The following EYA2 variants were observed in gnomAD, a reference collection of about 807,000 sequenced individuals.
The protein encoded by EYA2 is protein phosphatase EYA2.
EYA2 carries 31 observed loss-of-function variants against 69.2 expected under a neutral mutation model. That is an observed-to-expected ratio of 0.45 (90% confidence interval 0.34 to 0.60). The LOEUF (loss-of-function observed/expected upper bound fraction) is 0.60, where lower values mean the gene tolerates loss of function less well. Ranked by LOEUF, EYA2 falls within the 20% of genes least tolerant of loss-of-function variation. The pLI is 0.02. For missense variants in EYA2, 622 were observed against 701.2 expected (o/e 0.89, Z 1.28); for synonymous variants, 257 against 279.4 (o/e 0.92, Z 0.80).
intron 1 of EYA2, among the ~76,000 whole-genome samples, chr20:46,928,728 G>A (rs543898183): frequency 2.6e-5 from 4 of 152,330 alleles, no homozygotes; most frequent in African/African-American, 7.2e-5. Context: ...TTGGATTGTC[G>A]ATGTAACATT....
intron 7 of EYA2, among the ~76,000 whole-genome samples, chr20:47,076,854 C>T (rs1401281213): frequency 3.9e-5 from 6 of 152,186 alleles, no homozygotes; most frequent in Non-Finnish European, 7.3e-5. Context: ...CTACCCAGAG[C>T]TCAATCCTGT....
chr20:47,103,360 A>G (rs894368781), intron 9 of EYA2, among the ~76,000 whole-genome samples: 32 of 152,196 alleles, frequency 2.1e-4, no homozygotes, highest in Admixed American at 1.7e-3. Flanking sequence ...ATCACACAGT[A>G]CGTGTGATCA....
intron 1 of EYA2, among the ~76,000 whole-genome samples, chr20:46,902,076 C>A (rs1172118228): frequency 3.3e-5 from 5 of 152,094 alleles, no homozygotes; most frequent in African/African-American, 1.2e-4. Flanking sequence ...ACAAGAAAGA[C>A]AAACTGATAA....
rs150706351 is a variant in EYA2 at position 47,077,384 on chromosome 20, A to G, written c.661+3049A>G. ...TTTTGGCTTATCAACATTAAATAAC[A>G]TGGCAGCAATACGTTAGAATGTCAG... On this transcript the variant is annotated intron_variant, in intron 7 of 15. Coordinates refer to ENST00000327619, the MANE Select transcript of EYA2 (RefSeq NM_005244.5). 1.4e-4 allele frequency among the ~76,000 whole-genome samples: 21 copies of G among 152,338 alleles called. No homozygotes were observed. In the East Asian group the frequency reaches 3.7e-3, roughly 27 times the overall value.
intron 1 of EYA2, among the ~76,000 whole-genome samples, chr20:46,920,477 A>G (rs1453564107): frequency 6.6e-6 from 1 of 152,254 alleles, no homozygotes; most frequent in African/African-American, 2.4e-5. Flanking sequence ...TCACTGGACA[A>G]ATCAAAATGG....
intron 1 of EYA2, among the ~76,000 whole-genome samples, chr20:46,964,241 G>C (rs1979646871): frequency 6.6e-6 from 1 of 152,226 alleles, no homozygotes; most frequent in Non-Finnish European, 1.5e-5. Context: ...TTTAGCCCAA[G>C]GGGCAGTGGG....
chr20:47,037,184 G>A (rs1416595033), intron 5 of EYA2, among the ~76,000 whole-genome samples: 1 of 152,044 alleles, frequency 6.6e-6, no homozygotes, highest in Admixed American at 6.5e-5. Context: ...AACAGTATGG[G>A]GGAAACCACC....
chr20:47,021,591 C>T (rs533910402), intron 5 of EYA2, among the ~76,000 whole-genome samples: 5 of 145,834 alleles, frequency 3.4e-5, no homozygotes, highest in African/African-American at 1.3e-4. Flanking sequence ...CACGCCACTG[C>T]ACTCCAGTCT....
intron 8 of EYA2, 37 bp from the exon 9 acceptor site, chr20:47,097,048 C>G (rs191038599): frequency 2.0e-6 from 3 of 1,489,146 alleles, no homozygotes; most frequent in Non-Finnish European, 2.8e-6. Context: ...GCACGTGAGT[C>G]CATTTTTCTC....
chr20:46,962,475 T>G (rs920985794), intron 1 of EYA2, among the ~76,000 whole-genome samples: 2 of 149,696 alleles, frequency 1.3e-5, no homozygotes, highest in African/African-American at 2.5e-5. Flanking sequence ...CAATTAAAAG[T>G]TTTTTTTTTA....
chr20:47,141,750 G>A (rs1214587789), intron 9 of EYA2, among the ~76,000 whole-genome samples: 1 of 152,338 alleles, frequency 6.6e-6, no homozygotes, highest in East Asian at 1.9e-4. Flanking sequence ...AGAAAAGAGA[G>A]TGCATGGGGA....
intron 9 of EYA2, among the ~76,000 whole-genome samples, chr20:47,115,837 C>T (rs567971660): frequency 2.6e-5 from 4 of 152,318 alleles, no homozygotes; most frequent in South Asian, 4.1e-4. Context: ...TTCCAGGCCC[C>T]GGGCGGTCCA....
At chr20:47,043,083 T>C (rs1344442877) in intron 5 of EYA2, among the ~76,000 whole-genome samples, 5 of 152,192 alleles carry the variant, frequency 3.3e-5, no homozygotes, top group African/African-American at 1.2e-4. Flanking sequence ...GGATTAATCC[T>C]TCAGACCCCT....
At chr20:47,162,683 T>TA (rs2034094011) in intron 10 of EYA2, among the ~76,000 whole-genome samples, 2 of 151,942 alleles carry the variant, frequency 1.3e-5, no homozygotes, top group African/African-American at 4.8e-5. Context: ...TACACCTGGC[T>TA]AATTTTTGTA....
chr20:47,015,085 A>G (rs748646872), intron 4 of EYA2, among the ~76,000 whole-genome samples: 6 of 152,240 alleles, frequency 3.9e-5, no homozygotes, highest in Non-Finnish European at 8.8e-5. Context: ...TATTATATAC[A>G]TAAGTTTGCA....
intron 10 of EYA2, chr20:47,161,536 G>A: frequency 2.5e-6 from 1 of 405,042 alleles, no homozygotes; most frequent in South Asian, 1.9e-5. Context: ...CCCAGCTTGG[G>A]GATAGACGTC....
chr20:47,051,018 G>A (rs543170522), intron 5 of EYA2, among the ~76,000 whole-genome samples: 1 of 152,364 alleles, frequency 6.6e-6, no homozygotes, highest in Non-Finnish European at 1.5e-5. Flanking sequence ...TATCAGTTTG[G>A]AAAAGGTTGT....
At chr20:47,117,408 C>A in intron 9 of EYA2, 1 of 985,438 alleles carries the variant, frequency 1.0e-6, no homozygotes, top group Non-Finnish European at 1.2e-6. Context: ...GCTTTTCTTG[C>A]AGATCCAGAG....
intron 1 of EYA2, among the ~76,000 whole-genome samples, chr20:46,980,515 G>A (rs767974557): frequency 4.6e-5 from 7 of 152,136 alleles, no homozygotes; most frequent in Non-Finnish European, 7.4e-5. Flanking sequence ...TTTTCAGGGT[G>A]CATGTGACTG....
Sources: allele counts gnomAD v4.1 joint callset (sites outside exome capture counted in the v4.1 genomes callset), GRCh38; gene constraint gnomAD v4.1.1; transcripts MANE v1.5; gene names NCBI Gene and HGNC (gene_info 2026-07-23, HGNC 2026-07-21).